Variants in SLC25A21 observed in about 807,000 individuals in gnomAD.
SLC25A21 encodes solute carrier family 25 member 21, also known as mitochondrial 2-oxodicarboxylate carrier.
SLC25A21 carries 47 observed loss-of-function variants against 43.8 expected under a neutral mutation model. That is an observed-to-expected ratio of 1.07 (90% CI 0.85 to 1.37). The LOEUF (loss-of-function observed/expected upper bound fraction) is 1.37. Ranked by LOEUF, SLC25A21 falls within the 40% of genes most tolerant of loss-of-function variation. SLC25A21 has a pLI of 0.00. For synonymous variants in SLC25A21, 131 were observed against 121.3 expected (o/e 1.08, Z -0.52); for missense variants, 352 against 350.2 (o/e 1.00, Z -0.04).
chr14:36,764,034 G>GC (rs1886265144), intron 3 of SLC25A21, among the ~76,000 whole-genome samples: 1 of 45,194 alleles, frequency 2.2e-5, no homozygotes, highest in Non-Finnish European at 4.2e-5. Flanking sequence ...GTGAAAGAAA[G>GC]AAAAAGAAAG....
At chr14:37,036,764 G>A (rs1037894396) in intron 1 of SLC25A21, among the ~76,000 whole-genome samples, 3 of 152,076 alleles carry the variant, frequency 2.0e-5, no homozygotes, top group Non-Finnish European at 4.4e-5. Flanking sequence ...ATTATGATAT[G>A]AATAAGGGGA....
In SLC25A21 at chr14:36,680,270, T is replaced by G; in HGVS notation, c.*388A>C. Reference sequence around the variant, plus strand: ...AGTCTTTGAATAATTTGATTTATTTTCAATAGTTTAAGCATTTCTAGACCT... The same window carrying G: ...AGTCTTTGAATAATTTGATTTATTTGCAATAGTTTAAGCATTTCTAGACCT... On this transcript the variant is annotated 3_prime_UTR_variant, in exon 10 of 10. Coordinates refer to ENST00000331299, the MANE Select transcript of SLC25A21 (RefSeq NM_030631.4). 2.1e-6 allele frequency: 2 copies of G among 962,972 alleles called. No individual in the cohort carries two copies. The highest frequency in any genetic ancestry group is 2.5e-6 in the Non-Finnish European group (2 of 811,746). 59.7% of individuals were successfully genotyped at this position (962,972 alleles called of 1,614,324 possible). A position where few individuals can be genotyped will look rare whatever the true frequency, so the allele number is the denominator to read the frequency against.
In SLC25A21 at chr14:36,813,936, A is replaced by G. The variant is rs764192990; in HGVS notation, c.185T>C (p.Met62Thr). The change falls in exon 3 of 10, where the codon ATG (methionine) becomes ACG (threonine). Residue 62 changes from methionine (M) to threonine (T), a missense_variant. Met to Thr is a moderately conservative substitution (Grantham distance 81). Transcript: ENST00000331299. ...TACATACCCTTCCATTTGGAAAATC[A>G]TTCGAAAGCTGTCTACCAAGCTTTT... is the stretch of plus-strand genomic sequence containing the variant. ...SYKSLVDSFR[M>T]IFQMEGLFGF... The G allele has an allele frequency of 1.2e-6, 2 of 1,607,332 alleles. No individual in the cohort carries two copies. The highest frequency in any genetic ancestry group is 4.5e-5 in the East Asian group (2 of 44,566).
intron 2 of SLC25A21, among the ~76,000 whole-genome samples, chr14:36,837,018 C>T (rs368906905): frequency 1.3e-5 from 2 of 152,078 alleles, no homozygotes; most frequent in East Asian, 1.9e-4. Flanking sequence ...AGAAGGAACA[C>T]AGACTTTGAG....
At chr14:36,690,360 A>C (rs1379017165) in intron 7 of SLC25A21, among the ~76,000 whole-genome samples, 1 of 152,212 alleles carries the variant, frequency 6.6e-6, no homozygotes, top group Non-Finnish European at 1.5e-5. Flanking sequence ...AAACCCTATG[A>C]GTTAGGCATA....
chr14:36,947,358 G>T (rs936334917), intron 1 of SLC25A21, among the ~76,000 whole-genome samples: 1 of 152,212 alleles, frequency 6.6e-6, no homozygotes, highest in African/African-American at 2.4e-5. Context: ...CAGTCTTGAA[G>T]ACAAAAAGCA....
intron 2 of SLC25A21, among the ~76,000 whole-genome samples, chr14:36,851,563 T>A (rs1403110301): frequency 6.6e-6 from 1 of 152,190 alleles, no homozygotes; most frequent in Admixed American, 6.5e-5. Flanking sequence ...TAACAAAATG[T>A]TATATCCAGG....
At chr14:37,143,685 T>C (rs918555119) in intron 1 of SLC25A21, among the ~76,000 whole-genome samples, 1 of 152,070 alleles carries the variant, frequency 6.6e-6, no homozygotes, top group Non-Finnish European at 1.5e-5. Flanking sequence ...TTCATCATCA[T>C]TGTCAGCATG....
chr14:36,722,819 C>G (rs952073327), intron 6 of SLC25A21, among the ~76,000 whole-genome samples: 2 of 152,094 alleles, frequency 1.3e-5, no homozygotes, highest in Non-Finnish European at 2.9e-5. Context: ...ATATGCATTA[C>G]TTTTATGCTT....
At chr14:36,790,328 G>C (rs1385757969) in intron 3 of SLC25A21, among the ~76,000 whole-genome samples, 3 of 152,004 alleles carry the variant, frequency 2.0e-5, no homozygotes, top group African/African-American at 7.2e-5. Context: ...ATTTTTGAGA[G>C]GTGGTGCATT....
chr14:36,742,768 C>T (rs562803917), intron 3 of SLC25A21, among the ~76,000 whole-genome samples: 2 of 152,292 alleles, frequency 1.3e-5, no homozygotes, highest in East Asian at 3.9e-4. Flanking sequence ...CATATCAGGT[C>T]TTCAGGCAAT....
chr14:36,813,848 A>G, intron 3 of SLC25A21, 70 bp downstream of exon 3: 1 of 1,157,296 alleles, frequency 8.6e-7, no homozygotes, highest in Admixed American at 2.2e-5. Flanking sequence ...CTAGGAAAAT[A>G]AACCATTCGA....
chr14:36,774,133 A>G (rs994306325), intron 3 of SLC25A21, among the ~76,000 whole-genome samples: 4 of 152,298 alleles, frequency 2.6e-5, no homozygotes, highest in Middle Eastern at 6.8e-3. Context: ...CCATTTATTC[A>G]GTGATTTATG....
At chr14:36,775,161 G>A (rs977228916) in intron 3 of SLC25A21, among the ~76,000 whole-genome samples, 8 of 152,154 alleles carry the variant, frequency 5.3e-5, no homozygotes, top group Non-Finnish European at 1.0e-4. Flanking sequence ...AACTGTTTGA[G>A]TAGAACTTAG....
chr14:37,152,443 A>G (rs1212777336), intron 1 of SLC25A21, among the ~76,000 whole-genome samples: 1 of 144,780 alleles, frequency 6.9e-6, no homozygotes, highest in South Asian at 2.2e-4. Flanking sequence ...GTGCAGTGGC[A>G]CAATCTCAGC....
rs533050099 is a variant in SLC25A21, at chr14:37,141,508, T to TA, written c.70+30772dup. On this transcript the variant is annotated intron_variant, in intron 1 of 9. Coordinates refer to ENST00000331299, the MANE Select transcript of SLC25A21 (RefSeq NM_030631.4). ...TATTTCTTTCAATTAACTGCGTTTT[T>TA]AAAAAAAAAACTGAAATATAAAAAT... Among the ~76,000 whole-genome samples, 3,430 of 149,786 alleles carry TA rather than the reference T, an allele frequency of 0.023. 198 individuals carry two copies. The East Asian group carries it at 0.26, about 11-fold the overall frequency.
intron 2 of SLC25A21, among the ~76,000 whole-genome samples, chr14:36,860,800 G>A (rs192959732): frequency 3.3e-5 from 5 of 152,286 alleles, no homozygotes; most frequent in African/African-American, 9.6e-5. Flanking sequence ...ATCATATAAT[G>A]AGAAGTTCAT....
intron 1 of SLC25A21, among the ~76,000 whole-genome samples, chr14:36,965,284 T>C (rs1053375345): frequency 2.0e-5 from 3 of 152,124 alleles, no homozygotes; most frequent in African/African-American, 7.2e-5. Context: ...ATAATAAATA[T>C]GCAATTCCAC....
chr14:37,105,336 C>T (rs1962890814), intron 1 of SLC25A21, among the ~76,000 whole-genome samples: 1 of 152,138 alleles, frequency 6.6e-6, no homozygotes. Flanking sequence ...GTGTTCTGGA[C>T]ATCCAATCAG....
Sources: allele counts gnomAD v4.1 joint callset (sites outside exome capture counted in the v4.1 genomes callset), GRCh38; gene constraint gnomAD v4.1.1; transcripts MANE v1.5; gene names NCBI Gene and HGNC (gene_info 2026-07-23, HGNC 2026-07-21).